IKZF2: variants seen among roughly 807,000 people sequenced by gnomAD.
IKZF2 encodes the protein zinc finger protein Helios.
Under a neutral mutation model 49.2 loss-of-function variants are expected in IKZF2, and 15 were observed. The observed-to-expected ratio is 0.30, with a 90% CI of 0.20 to 0.47. The LOEUF (loss-of-function observed/expected upper bound fraction) is 0.47, where lower values mean the gene tolerates loss of function less well. Among genes scored for constraint, IKZF2 ranks in the 20% least tolerant of loss-of-function variants. IKZF2 has a pLI of 1.00. For synonymous variants in IKZF2, 227 were observed against 221.4 expected, an observed-to-expected ratio of 1.03 and a Z score of -0.23; for missense variants, 567 against 664.6, an observed-to-expected ratio of 0.85 and a Z score of 1.61.
At chr2:213,107,753 C>G (rs879411108) in intron 4 of IKZF2, among the ~76,000 whole-genome samples, 3 of 152,086 alleles carry the variant, frequency 2.0e-5, no homozygotes, top group African/African-American at 7.2e-5. Flanking sequence ...AACTCTTTGG[C>G]GAGATCACAA....
rs186147900 is a variant in IKZF2, at chr2:213,106,533, G to C, written c.139+41175C>G. ...GTCCCTAGCCCCAGCTAGTCCAGAG[G>C]CTGAGGTGAGAGGATCTCTTGAGCC... On this transcript the variant is annotated intron_variant, in intron 4 of 8. Coordinates refer to ENST00000434687, the MANE Select transcript of IKZF2 (RefSeq NM_001387220.1). Among the ~76,000 whole-genome samples, 761 of 151,636 alleles carry C rather than the reference G, an allele frequency of 5.0e-3. 7 individuals carry two copies. The highest frequency in any genetic ancestry group is 6.8e-3 in the Non-Finnish European group (461 of 67,974).
At position 213,150,909 on chromosome 2, in the gene IKZF2, T is replaced by G. The variant is rs3754589; in HGVS notation, c.-120+504A>C. Reference sequence around the variant, plus strand: ...GTGTCATACCAGGGTTTTTGGTTTTTTTTTTTTTTTAATTCCAACAGGATC... The same window carrying G: ...GTGTCATACCAGGGTTTTTGGTTTTGTTTTTTTTTTAATTCCAACAGGATC... On this transcript the variant is annotated intron_variant, in intron 1 of 8. Transcript: ENST00000434687. Among the ~76,000 whole-genome samples, 189 of 152,118 alleles carry G rather than the reference T, an allele frequency of 1.2e-3. 4 individuals carry two copies. The East Asian group carries it at 0.024, about 20-fold the overall frequency.
chr2:213,033,560 T>A (rs1395215577), intron 6 of IKZF2, among the ~76,000 whole-genome samples: 2 of 152,208 alleles, frequency 1.3e-5, no homozygotes, highest in Non-Finnish European at 2.9e-5. Context: ...ACAACATTAA[T>A]CTGCTTGTAC....
At chr2:213,104,297 T>C (rs544795866) in intron 4 of IKZF2, among the ~76,000 whole-genome samples, 1 of 150,878 alleles carries the variant, frequency 6.6e-6, no homozygotes, top group South Asian at 2.1e-4. Context: ...AAGTTACAAC[T>C]CAAATTCTGT....
At chr2:213,069,757 C>T (rs958731811) in intron 4 of IKZF2, among the ~76,000 whole-genome samples, 4 of 152,046 alleles carry the variant, frequency 2.6e-5, no homozygotes, top group African/African-American at 9.7e-5. Flanking sequence ...CACAGTATAG[C>T]AACACCTCCT....
intron 4 of IKZF2, among the ~76,000 whole-genome samples, chr2:213,058,856 T>A (rs867629050): frequency 6.6e-6 from 1 of 151,874 alleles, no homozygotes; most frequent in African/African-American, 2.4e-5. Flanking sequence ...AAATTACATA[T>A]GAAGTTCTTT....
chr2:213,139,025 G>C (rs1231046183), intron 4 of IKZF2, among the ~76,000 whole-genome samples: 4 of 152,008 alleles, frequency 2.6e-5, no homozygotes, highest in Non-Finnish European at 5.9e-5. Flanking sequence ...TATGGCAATA[G>C]TAGTTGAAGG....
Position 213,007,829 on chromosome 2 carries a change from T to A in IKZF2, c.1112A>T (p.Glu371Val). Reference sequence around the variant, plus strand: ...GTTGTTTTCATGACTATCAGCAGTTTCCCTGCTAATGGGTCTTTCTATCCT... The same window carrying A: ...GTTGTTTTCATGACTATCAGCAGTTACCCTGCTAATGGGTCTTTCTATCCT... ...PNRIERPISR[E>V]TADSHENNMD... The change falls in exon 9 of 9, where the codon GAA becomes GTA. Residue 371 changes from glutamate to valine, a missense_variant. Physicochemically the swap from Glu to Val is moderately radical, Grantham distance 121. Coordinates refer to ENST00000434687, the MANE Select transcript of IKZF2 (RefSeq NM_001387220.1). 1 of 1,613,614 alleles carries A rather than the reference T, an allele frequency of 6.2e-7. No homozygotes were observed. The highest frequency in any genetic ancestry group is 8.5e-7 in the Non-Finnish European group (1 of 1,179,736).
chr2:213,077,337 TC>T (rs1455526337), intron 4 of IKZF2, among the ~76,000 whole-genome samples: 3 of 152,178 alleles, frequency 2.0e-5, no homozygotes, highest in Admixed American at 6.5e-5. Context: ...TAGTCTTTTT[TC>T]CATCACAGAA....
chr2:213,146,102 G>A (rs1247957445), intron 4 of IKZF2, among the ~76,000 whole-genome samples: 1 of 152,032 alleles, frequency 6.6e-6, no homozygotes, highest in African/African-American at 2.4e-5. Context: ...CTGATTAACA[G>A]TTACTCCCTA....
intron 4 of IKZF2, 86 bp downstream of exon 4, chr2:213,147,622 G>A (rs1288510127): frequency 2.1e-6 from 2 of 931,198 alleles, no homozygotes; most frequent in East Asian, 2.4e-5. Flanking sequence ...ACCACAATGT[G>A]AGAGGACCCC....
intron 6 of IKZF2, among the ~76,000 whole-genome samples, chr2:213,035,826 G>A (rs4673718): frequency 0.57 from 87,284 of 151,866 alleles, 25,961 homozygotes; most frequent in East Asian, 0.78. Flanking sequence ...GAGTGACATG[G>A]TTTAAATCAG....
intron 4 of IKZF2, among the ~76,000 whole-genome samples, chr2:213,119,625 T>C (rs2059986402): frequency 6.6e-6 from 1 of 152,196 alleles, no homozygotes; most frequent in Admixed American, 6.5e-5. Flanking sequence ...TACCCTATGA[T>C]GAGGCACAGC....
intron 4 of IKZF2, among the ~76,000 whole-genome samples, chr2:213,097,226 T>A (rs1029713998): frequency 3.3e-5 from 5 of 151,910 alleles, no homozygotes; most frequent in Admixed American, 6.6e-5. Context: ...AAATATGCAA[T>A]AGTTGGAAAT....
At position 213,116,948 on chromosome 2, in the gene IKZF2, A is replaced by G. The variant is rs115739816; in HGVS notation, c.139+30760T>C. 6.1e-3 allele frequency among the ~76,000 whole-genome samples: 928 copies of G among 152,284 alleles called. 6 individuals are homozygous for G. The highest frequency in any genetic ancestry group is 0.022 in the African/African-American group (895 of 41,546). On this transcript the variant is annotated intron_variant, in intron 4 of 8. Transcript: ENST00000434687. ...ACAATTTTCACATCCAATAATCACA[A>G]TTTGGAAAAAGTAACCCATATTATA...
chr2:213,107,248 C>G (rs1050463561), intron 4 of IKZF2, among the ~76,000 whole-genome samples: 2 of 152,100 alleles, frequency 1.3e-5, no homozygotes, highest in African/African-American at 4.8e-5. Flanking sequence ...CATCCCTTGC[C>G]CATGAGAACT....
intron 2 of IKZF2, among the ~76,000 whole-genome samples, chr2:213,149,773 C>T (rs1246790571): frequency 1.4e-5 from 2 of 141,706 alleles, no homozygotes; most frequent in South Asian, 2.3e-4. Context: ...CACCACACTC[C>T]CTTACCCCCC....
intron 4 of IKZF2, among the ~76,000 whole-genome samples, chr2:213,068,594 G>GTAATAGTA (rs1183862158): frequency 6.6e-6 from 1 of 151,984 alleles, no homozygotes; most frequent in Non-Finnish European, 1.5e-5. Flanking sequence ...ACTATTATAA[G>GTAATAGTA]TAATAGTATA....
At chr2:213,128,614 T>C (rs1238655438) in intron 4 of IKZF2, among the ~76,000 whole-genome samples, 1 of 146,204 alleles carries the variant, frequency 6.8e-6, no homozygotes, top group Non-Finnish European at 1.5e-5. Context: ...AGTCAGAAGA[T>C]AAGGTTTTGT....
Sources: gnomAD v4.1 joint callset for allele counts (sites outside exome capture counted in the v4.1 genomes callset) on GRCh38, gnomAD v4.1.1 for gene constraint, MANE v1.5 for transcripts, NCBI Gene and HGNC (gene_info 2026-07-23, HGNC 2026-07-21) for gene names.